The following LRRC7 variants were observed in gnomAD, a reference collection of about 807,000 sequenced individuals.
LRRC7 encodes leucine-rich repeat-containing protein 7.
LRRC7 carries 23 observed loss-of-function variants against 175.7 expected under a neutral mutation model. The observed-to-expected ratio is 0.13, with a 90% confidence interval of 0.09 to 0.19. The LOEUF is 0.19. Ranked by LOEUF, LRRC7 falls within the 10% of genes least tolerant of loss-of-function variation. The pLI is 1.00. For synonymous variants in LRRC7, 685 were observed against 680.9 expected (o/e 1.01, Z -0.09); for missense variants, 1,354 against 1,904.7 (o/e 0.71, Z 5.38).
At chr1:69,936,123 T>G (rs1490207877) in intron 8 of LRRC7, among the ~76,000 whole-genome samples, 3 of 152,144 alleles carry the variant, frequency 2.0e-5, no homozygotes, top group Non-Finnish European at 4.4e-5. Flanking sequence ...ATGAGTTACT[T>G]TCCTTATTTT....
At chr1:69,724,236 C>T (rs1666681003) in intron 2 of LRRC7, among the ~76,000 whole-genome samples, 1 of 152,100 alleles carries the variant, frequency 6.6e-6, no homozygotes, top group Non-Finnish European at 1.5e-5. Flanking sequence ...ACTGATAAAA[C>T]TTGTGCCTTT....
intron 3 of LRRC7, among the ~76,000 whole-genome samples, chr1:69,777,694 T>G (rs566460373): frequency 7.4e-4 from 112 of 152,298 alleles, no homozygotes; most frequent in Non-Finnish European, 7.6e-4. Context: ...TTTGTTCAGC[T>G]TCCACATCAA....
intron 22 of LRRC7, among the ~76,000 whole-genome samples, chr1:70,047,525 A>C (rs909913688): frequency 9.9e-5 from 15 of 152,132 alleles, no homozygotes; most frequent in African/African-American, 3.4e-4. Context: ...TAATAAACTA[A>C]TTAAAGGATA....
In LRRC7 at chr1:69,914,511, T is replaced by A. The variant is rs546339762; in HGVS notation, c.648-16996T>A. Among the ~76,000 whole-genome samples, 8 of 152,278 alleles carry A rather than the reference T, an allele frequency of 5.3e-5. No individual in the cohort carries two copies. The South Asian group carries it at 1.7e-3, about 32-fold the overall frequency. ...AAAATGACGGCATTAAGAGCAAATG[T>A]CTCTGGATTCCAGCAGTGTTCCTCA... On this transcript the variant is annotated intron_variant, in intron 7 of 26. Transcript: ENST00000651989.
In LRRC7 at chr1:70,141,281, T is replaced by G. The variant is rs1213765386; in HGVS notation, c.*19394T>G. The G allele has an allele frequency of 1.3e-5, 2 of 151,736 alleles. No homozygotes were observed. Among genetic ancestry groups the G allele is most frequent in the East Asian group, 4.0e-4 (2 of 5,018 alleles). The allele number at this position is 151,736 out of a possible 1,614,324, so 9.4% of individuals were successfully genotyped here. ...AAATGGAGCATGGAGAAAGAAAGGG[T>G]TTTTAAGAGTTAAGTCAGTAGAAAG... On this transcript the variant is annotated 3_prime_UTR_variant, in exon 27 of 27. Transcript: ENST00000651989.
chr1:70,029,372 G>C (rs1658461256), intron 18 of LRRC7, among the ~76,000 whole-genome samples: 1 of 152,018 alleles, frequency 6.6e-6, no homozygotes, highest in Middle Eastern at 3.2e-3. Flanking sequence ...TGTTAAAGAG[G>C]AAAAGGGAGG....
intron 7 of LRRC7, among the ~76,000 whole-genome samples, chr1:69,878,494 A>C (rs1686251350): frequency 6.6e-6 from 1 of 152,166 alleles, no homozygotes; most frequent in Non-Finnish European, 1.5e-5. Context: ...ATGAAGAAAC[A>C]GACTTAGGTG....
Position 70,036,468 on chromosome 1 carries a change from A to T in LRRC7, c.2132A>T (p.Asp711Val). ...KKESTDESEV[D>V]KTHCLNNSVS... ...GAATCAACTGATGAGTCTGAAGTTGACAAAACTCACTGTCTGAATAACAGT... is the reference window on the plus strand; with the variant it reads ...GAATCAACTGATGAGTCTGAAGTTGTCAAAACTCACTGTCTGAATAACAGT... Residue 711 changes from aspartate (D) to valine (V), a missense_variant, in exon 20 of 27, where the codon GAC becomes GTC. Transcript: ENST00000651989. 1 of 1,613,280 alleles carries T rather than the reference A, an allele frequency of 6.2e-7. No individual in the cohort carries two copies. The highest frequency in any genetic ancestry group is 2.2e-5 in the East Asian group (1 of 44,858).
At chr1:69,603,971 T>C (rs1647196999) in intron 1 of LRRC7, among the ~76,000 whole-genome samples, 1 of 152,076 alleles carries the variant, frequency 6.6e-6, no homozygotes, top group Non-Finnish European at 1.5e-5. Flanking sequence ...TAATAAAAAA[T>C]AAGTGAATAA....
chr1:69,973,579 C>T (rs1034045851), intron 8 of LRRC7, among the ~76,000 whole-genome samples: 3 of 152,084 alleles, frequency 2.0e-5, no homozygotes, highest in African/African-American at 7.2e-5. Flanking sequence ...TAACCATTTT[C>T]GTAGCTCATT....
chr1:69,596,495 A>C (rs763711927), intron 1 of LRRC7, among the ~76,000 whole-genome samples: 1 of 152,196 alleles, frequency 6.6e-6, no homozygotes, highest in African/African-American at 2.4e-5. Flanking sequence ...CTAAATTCTG[A>C]TGATAAACCA....
intron 7 of LRRC7, among the ~76,000 whole-genome samples, chr1:69,927,206 G>A (rs960595043): frequency 2.0e-5 from 3 of 152,122 alleles, no homozygotes; most frequent in African/African-American, 7.2e-5. Context: ...TCCCTTTGTG[G>A]GTAACCCGAC....
intron 4 of LRRC7, among the ~76,000 whole-genome samples, chr1:69,823,271 A>G (rs1018468234): frequency 1.3e-5 from 2 of 152,098 alleles, no homozygotes; most frequent in African/African-American, 4.8e-5. Flanking sequence ...TTGAACTTCC[A>G]TTACTCAGAT....
At chr1:69,993,023 C>G (rs750874782) in intron 10 of LRRC7, among the ~76,000 whole-genome samples, 15 of 152,132 alleles carry the variant, frequency 9.9e-5, no homozygotes, top group Non-Finnish European at 2.2e-4. Context: ...TCCAGGCTAC[C>G]AAGTCACAAA....
At chr1:69,862,427 T>C (rs1051538099) in intron 7 of LRRC7, among the ~76,000 whole-genome samples, 1 of 152,180 alleles carries the variant, frequency 6.6e-6, no homozygotes, top group African/African-American at 2.4e-5. Flanking sequence ...CTGATTATTA[T>C]AGGGAGGAGT....
intron 1 of LRRC7, among the ~76,000 whole-genome samples, chr1:69,642,227 G>T (rs1264700569): frequency 6.6e-6 from 1 of 151,520 alleles, no homozygotes; most frequent in Non-Finnish European, 1.5e-5. Flanking sequence ...TTTTACATGG[G>T]TACCATATCA....
At chr1:69,969,989 A>G (rs1234456516) in intron 8 of LRRC7, among the ~76,000 whole-genome samples, 2 of 152,194 alleles carry the variant, frequency 1.3e-5, no homozygotes, top group Non-Finnish European at 2.9e-5. Flanking sequence ...CTTCAAAACC[A>G]TGCAAATACA....
intron 1 of LRRC7, among the ~76,000 whole-genome samples, chr1:69,638,343 C>A (rs1462018161): frequency 1.3e-5 from 2 of 151,788 alleles, no homozygotes; most frequent in African/African-American, 4.8e-5. Context: ...ATCTGTACTT[C>A]TGTTTGATAC....
chr1:69,910,922 T>G (rs1186706237), intron 7 of LRRC7, among the ~76,000 whole-genome samples: 2 of 152,206 alleles, frequency 1.3e-5, no homozygotes, highest in African/African-American at 4.8e-5. Flanking sequence ...TTCCCCAGCC[T>G]CGCTGCCGCC....
Sources: allele counts gnomAD v4.1 joint callset (sites outside exome capture counted in the v4.1 genomes callset), GRCh38; gene constraint gnomAD v4.1.1; transcripts MANE v1.5; gene names NCBI Gene and HGNC (gene_info 2026-07-23, HGNC 2026-07-21).